The following NAV3 variants were observed in gnomAD, a reference collection of about 807,000 sequenced individuals.
NAV3 encodes neuron navigator 3, also known as pore membrane and/or filament interacting like protein 1.
In NAV3, 87 loss-of-function variants were observed where a neutral mutation model predicts 244.7. The observed-to-expected ratio is 0.36, with a 90% CI of 0.30 to 0.42. The LOEUF is 0.42. Among genes scored for constraint, NAV3 ranks in the 20% least tolerant of loss-of-function variants. The pLI, the probability that NAV3 is intolerant of heterozygous loss-of-function variation, is 1.00. For synonymous variants in NAV3, 1,126 were observed against 1,042.2 expected (o/e 1.08, Z -1.55); for missense variants, 2,663 against 2,893.3 (o/e 0.92, Z 1.83).
chr12:77,664,160 A>G (rs1873606316), intron 2 of NAV3, among the ~76,000 whole-genome samples: 1 of 152,240 alleles, frequency 6.6e-6, no homozygotes, highest in Admixed American at 6.5e-5. Context: ...TGAAATACTT[A>G]CATGAAATAG....
intron 23 of NAV3, among the ~76,000 whole-genome samples, chr12:78,164,479 G>A (rs2694837): frequency 0.43 from 64,932 of 151,868 alleles, 15,092 homozygotes; most frequent in Non-Finnish European, 0.53. Context: ...TAGTTGAATA[G>A]GATTTTTACA....
intron 3 of NAV3, among the ~76,000 whole-genome samples, chr12:77,951,454 C>T (rs896901775): frequency 1.8e-4 from 27 of 152,260 alleles, no homozygotes; most frequent in Middle Eastern, 3.4e-3. Context: ...AATGGGAACA[C>T]TTTTACACTG....
intron 12 of NAV3, among the ~76,000 whole-genome samples, chr12:78,071,100 C>T (rs1294320132): frequency 6.6e-6 from 1 of 151,956 alleles, no homozygotes; most frequent in Non-Finnish European, 1.5e-5. Context: ...ATGGTATTTC[C>T]AGTTCTAAAT....
Position 78,081,396 on chromosome 12 carries a change from C to G in NAV3, c.2636+22281C>G, listed in dbSNP as rs1953344112. On this transcript the variant is annotated intron_variant, in intron 12 of 39. Coordinates refer to ENST00000397909, the MANE Select transcript of NAV3 (RefSeq NM_001024383.2). The stretch of plus-strand genomic sequence containing the variant: ...GTGAAGGCTGAGTATAGATGAAGGT[C>G]TTGGTGCTCAGCATGGCTTGAGGGC... 2.0e-5 allele frequency among the ~76,000 whole-genome samples: 3 copies of G among 152,138 alleles called. No homozygotes were observed. In the South Asian group the frequency reaches 6.2e-4, roughly 32 times the overall value.
At chr12:78,074,822 A>G (rs1952962443) in intron 12 of NAV3, among the ~76,000 whole-genome samples, 1 of 152,230 alleles carries the variant, frequency 6.6e-6, no homozygotes, top group South Asian at 2.1e-4. Context: ...ATGAATATGA[A>G]GTAAAAACAG....
At position 77,597,902 on chromosome 12, in the gene NAV3, C is replaced by G. The variant is rs1005993855; in HGVS notation, c.72+25636C>G. On this transcript the variant is annotated intron_variant, in intron 2 of 8. Transcript: ENST00000550042. The stretch of plus-strand genomic sequence containing the variant: ...ACAGTCTTAAAAAGGAGAAAGCAAG[C>G]CTCCCTATATCTCTGACCAGGTGGA... Among the ~76,000 whole-genome samples the G allele has an allele frequency of 5.3e-5, 8 of 151,992 alleles. No individual in the cohort carries two copies. The East Asian group carries it at 1.5e-3, about 29-fold the overall frequency.
intron 22 of NAV3, among the ~76,000 whole-genome samples, chr12:78,155,098 T>C (rs544342584): frequency 6.6e-6 from 1 of 152,174 alleles, no homozygotes; most frequent in South Asian, 2.1e-4. Flanking sequence ...GCCATAGTGA[T>C]TTGCTGCACA....
intron 12 of NAV3, among the ~76,000 whole-genome samples, chr12:78,110,050 A>C (rs1353730264): frequency 6.6e-6 from 1 of 152,010 alleles, no homozygotes; most frequent in African/African-American, 2.4e-5. Flanking sequence ...AAATACTAAA[A>C]ACTCCAGCAA....
intron 1 of NAV3, among the ~76,000 whole-genome samples, chr12:77,879,397 A>G (rs1882301762): frequency 6.6e-6 from 1 of 152,110 alleles, no homozygotes; most frequent in Non-Finnish European, 1.5e-5. Flanking sequence ...GGCTGGGTGC[A>G]GTGCTCACAC....
At chr12:78,092,761 A>T (rs1954027720) in intron 12 of NAV3, among the ~76,000 whole-genome samples, 1 of 151,896 alleles carries the variant, frequency 6.6e-6, no homozygotes, top group African/African-American at 2.4e-5. Context: ...TGGCCTCCCA[A>T]AGTGCTGGGA....
chr12:77,620,074 A>G (rs2136865711), intron 2 of NAV3, among the ~76,000 whole-genome samples: 2 of 152,316 alleles, frequency 1.3e-5, no homozygotes, highest in Middle Eastern at 3.4e-3. Flanking sequence ...GACTTTTTAG[A>G]ACAAGTAATA....
At chr12:77,842,483 G>A (rs374793895) in intron 1 of NAV3, among the ~76,000 whole-genome samples, 1 of 151,596 alleles carries the variant, frequency 6.6e-6, no homozygotes, top group Non-Finnish European at 1.5e-5. Context: ...CCAAGACTGT[G>A]TACGATCTGA....
intron 2 of NAV3, among the ~76,000 whole-genome samples, chr12:77,820,682 A>G (rs1464026261): frequency 1.3e-5 from 2 of 152,152 alleles, no homozygotes; most frequent in African/African-American, 4.8e-5. Context: ...AGCTGGGAAG[A>G]TCGCACACTC....
At chr12:77,768,779 A>C (rs1012279000) in intron 2 of NAV3, among the ~76,000 whole-genome samples, 1 of 152,196 alleles carries the variant, frequency 6.6e-6, no homozygotes. Flanking sequence ...TGAGGTAGGC[A>C]GGGCTCCTGC....
In NAV3 at chr12:78,066,283, T is replaced by C. The variant is rs558869020; in HGVS notation, c.2636+7168T>C. Among the ~76,000 whole-genome samples, 77 of 152,204 alleles carry C rather than the reference T, an allele frequency of 5.1e-4. 1 individual carries two copies. Among genetic ancestry groups the C allele is most frequent in the African/African-American group, 1.8e-3 (74 of 41,558 alleles). On this transcript the variant is annotated intron_variant, in intron 12 of 39. Transcript: ENST00000397909. ...AAGGAAGGGGATCAAAGAGGTTGAT[T>C]AGAAGGTTTTTACCACAAAATAAAA... is the stretch of plus-strand genomic sequence containing the variant.
chr12:78,089,189 A>G (rs1453835417), intron 12 of NAV3, among the ~76,000 whole-genome samples: 4 of 152,224 alleles, frequency 2.6e-5, no homozygotes, highest in East Asian at 3.9e-4. Context: ...AAAAAAGTCA[A>G]TTTATGGAAT....
chr12:77,868,220 AAAC>A (rs3078775), intron 1 of NAV3, among the ~76,000 whole-genome samples: 27,047 of 151,442 alleles, frequency 0.18, 2,500 homozygotes, highest in South Asian at 0.27. Context: ...GGCCCTCCTA[AAAC>A]AACAACAACA....
intron 22 of NAV3, among the ~76,000 whole-genome samples, chr12:78,157,459 G>C (rs1375699598): frequency 6.6e-6 from 1 of 151,876 alleles, no homozygotes; most frequent in Non-Finnish European, 1.5e-5. Context: ...TACTTGGGAG[G>C]CTGAGGCAAG....
intron 2 of NAV3, among the ~76,000 whole-genome samples, chr12:77,809,827 C>CT (rs759555562): frequency 2.0e-5 from 3 of 152,166 alleles, no homozygotes; most frequent in Non-Finnish European, 4.4e-5. Flanking sequence ...TGTTGTATGG[C>CT]TTTTTTCATG....
Sources: gnomAD v4.1 joint callset for allele counts (sites outside exome capture counted in the v4.1 genomes callset) on GRCh38, gnomAD v4.1.1 for gene constraint, MANE v1.5 for transcripts, NCBI Gene and HGNC (gene_info 2026-07-23, HGNC 2026-07-21) for gene names.